The following BANK1 variants were observed in gnomAD, a reference collection of about 807,000 sequenced individuals.
BANK1 encodes B-cell scaffold protein with ankyrin repeats.
BANK1 carries 95 observed loss-of-function variants against 94.5 expected under a neutral mutation model. The observed-to-expected ratio is 1.00, with a 90% CI of 0.85 to 1.19. BANK1 has a LOEUF of 1.19. BANK1 is among the 50% of genes most tolerant of loss of function. The pLI, the probability that BANK1 is intolerant of heterozygous loss-of-function variation, is 0.00. For synonymous variants in BANK1, 334 were observed against 308.4 expected, an observed-to-expected ratio of 1.08 and a Z score of -0.87; for missense variants, 987 against 932.2, an observed-to-expected ratio of 1.06 and a Z score of -0.77.
rs375817514 is a variant in BANK1, at chr4:101,855,116, T to C, written c.551T>C (p.Ile184Thr). 2.6e-5 allele frequency: 42 copies of C among 1,613,534 alleles called. No homozygotes were observed. Among genetic ancestry groups the C allele is most frequent in the Non-Finnish European group, 3.3e-5 (39 of 1,179,640 alleles). ...HSGEISERKEIEELSEASRNT... is the reference protein window; with the variant it reads ...HSGEISERKETEELSEASRNT... ...GGGGAAATAAGTGAGAGAAAGGAAA[T>C]TGAAGAACTATCAGAAGCTTCAAGA... Residue 184 changes from isoleucine (I) to threonine (T), a missense_variant, in exon 3 of 17, where the codon ATT (isoleucine) becomes ACT (threonine). Ile to Thr is a moderately conservative substitution (Grantham distance 89). Transcript: ENST00000322953.
At chr4:102,035,594 T>G (rs973711265) in intron 10 of BANK1, among the ~76,000 whole-genome samples, 17 of 147,132 alleles carry the variant, frequency 1.2e-4, no homozygotes, top group Non-Finnish European at 1.9e-4. Context: ...CTTGCAGTGA[T>G]CCGAGATCGC....
At chr4:101,813,615 A>G (rs921100885) in intron 1 of BANK1, among the ~76,000 whole-genome samples, 1 of 152,238 alleles carries the variant, frequency 6.6e-6, no homozygotes, top group Non-Finnish European at 1.5e-5. Flanking sequence ...CGCATTATGT[A>G]AAGACAATGT....
At chr4:101,797,358 A>T (rs1725192155) in intron 1 of BANK1, among the ~76,000 whole-genome samples, 1 of 152,184 alleles carries the variant, frequency 6.6e-6, no homozygotes, top group African/African-American at 2.4e-5. Context: ...AATTGCATAA[A>T]TTTGTGTAAA....
chr4:101,852,469 G>GATATATAT (rs1195239167), intron 2 of BANK1, among the ~76,000 whole-genome samples: 141 of 53,918 alleles, frequency 2.6e-3, no homozygotes, highest in African/African-American at 0.01. Flanking sequence ...ATATTTTTCG[G>GATATATAT]CTATATATAT....
intron 1 of BANK1, among the ~76,000 whole-genome samples, chr4:101,808,872 A>G (rs1430477054): frequency 7.2e-5 from 11 of 152,204 alleles, no homozygotes; most frequent in Admixed American, 4.6e-4. Flanking sequence ...GTCCATGTGA[A>G]AAGTGAACAC....
intron 6 of BANK1, among the ~76,000 whole-genome samples, chr4:101,900,609 A>G (rs1471939667): frequency 2.6e-5 from 4 of 152,172 alleles, no homozygotes; most frequent in Non-Finnish European, 5.9e-5. Context: ...ACATACTGAT[A>G]GATTGCAGAT....
intron 4 of BANK1, among the ~76,000 whole-genome samples, chr4:101,869,399 T>C (rs1426627874): frequency 1.3e-5 from 2 of 151,920 alleles, no homozygotes; most frequent in African/African-American, 2.4e-5. Flanking sequence ...CATTCTCTAT[T>C]GGATGGATAC....
At chr4:101,908,627 G>A (rs1314615104) in intron 6 of BANK1, among the ~76,000 whole-genome samples, 3 of 152,218 alleles carry the variant, frequency 2.0e-5, no homozygotes, top group South Asian at 2.1e-4. Flanking sequence ...GCAACCTACA[G>A]AATGGGAGAA....
rs748567040 is a variant in BANK1 at position 102,030,215 on chromosome 4, G to A, written c.1850G>A (p.Arg617Gln). ...IINRPPAPTPRPTSIPPKEET... is the reference protein window; with the variant it reads ...IINRPPAPTPQPTSIPPKEET... ...AATAGACCTCCTGCCCCCACACCCCGACCCACAAGTATACCTCCAAAAGAG... is the reference window on the plus strand; with the variant it reads ...AATAGACCTCCTGCCCCCACACCCCAACCCACAAGTATACCTCCAAAAGAG... Residue 617 changes from arginine to glutamine, a missense_variant, in exon 10 of 17, where the codon CGA becomes CAA. Coordinates refer to ENST00000322953, the MANE Select transcript of BANK1 (RefSeq NM_017935.5). The A allele has an allele frequency of 5.0e-6, 8 of 1,611,496 alleles. No homozygotes were observed. The highest frequency in any genetic ancestry group is 4.5e-5 in the East Asian group (2 of 44,864).
Position 101,790,757 on chromosome 4 carries a change from G to A in BANK1, c.-124G>A, listed in dbSNP as rs1052395324. 13 of 1,074,916 alleles carry A rather than the reference G, an allele frequency of 1.2e-5. 1 individual carries two copies. The highest frequency in any genetic ancestry group is 2.1e-5 in the Admixed American group (1 of 48,494). 66.6% of individuals were successfully genotyped at this position (1,074,916 alleles called of 1,614,324 possible). A position where few individuals can be genotyped will look rare whatever the true frequency, so the allele number is the denominator to read the frequency against. The stretch of plus-strand genomic sequence containing the variant: ...GACCTGGCCGCAGCCTCCGCGGGTG[G>A]CAAGCGGGCTGGGGAGAGCCGAGGG... On this transcript the variant is annotated 5_prime_UTR_variant, in exon 1 of 17. Coordinates refer to ENST00000322953, the MANE Select transcript of BANK1 (RefSeq NM_017935.5).
intron 6 of BANK1, among the ~76,000 whole-genome samples, chr4:101,903,327 G>C (rs1722343650): frequency 6.6e-6 from 1 of 152,196 alleles, no homozygotes. Context: ...CAAGCTAGCT[G>C]TATTTGTGCC....
At chr4:101,832,015 T>G (rs1392738836) in intron 2 of BANK1, among the ~76,000 whole-genome samples, 1 of 152,168 alleles carries the variant, frequency 6.6e-6, no homozygotes, top group Admixed American at 6.5e-5. Flanking sequence ...ATTTTAATAA[T>G]CCCTTGGTTG....
intron 7 of BANK1, among the ~76,000 whole-genome samples, chr4:102,016,684 G>T (rs901471610): frequency 2.6e-5 from 4 of 152,158 alleles, no homozygotes; most frequent in African/African-American, 4.8e-5. Context: ...TGGTGATGCA[G>T]TTAACATTTG....
At chr4:101,909,057 G>A (rs1436796201) in intron 6 of BANK1, among the ~76,000 whole-genome samples, 1 of 152,172 alleles carries the variant, frequency 6.6e-6, no homozygotes, top group African/African-American at 2.4e-5. Context: ...CCATTACTGG[G>A]TGTATACCCT....
At chr4:102,056,518 G>C (rs1164678856) in intron 11 of BANK1, among the ~76,000 whole-genome samples, 1 of 151,874 alleles carries the variant, frequency 6.6e-6, no homozygotes, top group African/African-American at 2.4e-5. Context: ...AAAAGAGCAG[G>C]AACTATGTCA....
chr4:102,049,987 C>A (rs1425786360), intron 11 of BANK1, among the ~76,000 whole-genome samples: 1 of 152,162 alleles, frequency 6.6e-6, no homozygotes, highest in Non-Finnish European at 1.5e-5. Context: ...TTGCAGATAG[C>A]CCACCCCAAG....
chr4:101,970,360 T>TG (rs1284267479), intron 7 of BANK1, among the ~76,000 whole-genome samples: 4 of 152,160 alleles, frequency 2.6e-5, no homozygotes, highest in Non-Finnish European at 5.9e-5. Flanking sequence ...TAATGAACTA[T>TG]GGTTTGAATA....
At chr4:102,045,379 A>T (rs1242163594) in intron 11 of BANK1, among the ~76,000 whole-genome samples, 1 of 152,164 alleles carries the variant, frequency 6.6e-6, no homozygotes, top group Non-Finnish European at 1.5e-5. Flanking sequence ...GAAAACTGGC[A>T]CAAGACAGGG....
At chr4:102,072,185 G>T (rs1255793006) in intron 14 of BANK1, among the ~76,000 whole-genome samples, 160 bp from the exon 15 acceptor site, 1 of 152,170 alleles carries the variant, frequency 6.6e-6, no homozygotes, top group Non-Finnish European at 1.5e-5. Flanking sequence ...AACAGCACAT[G>T]CCAAGGGTGC....
Sources: gnomAD v4.1 joint callset for allele counts (sites outside exome capture counted in the v4.1 genomes callset) on GRCh38, gnomAD v4.1.1 for gene constraint, MANE v1.5 for transcripts, NCBI Gene and HGNC (gene_info 2026-07-23, HGNC 2026-07-21) for gene names.